The following LAMA2 variants were observed in gnomAD, a reference collection of about 807,000 sequenced individuals.
LAMA2 encodes laminin subunit alpha 2.
A neutral mutation model predicts 364.8 loss-of-function variants in LAMA2; 269 were observed. That is an observed-to-expected ratio of 0.74 (90% CI 0.67 to 0.82). The LOEUF is 0.82. Among genes scored for constraint, LAMA2 ranks in the 40% least tolerant of loss-of-function variants. The pLI, the probability that LAMA2 is intolerant of heterozygous loss-of-function variation, is 0.00. For synonymous variants in LAMA2, 1,379 were observed against 1,370.6 expected (o/e 1.01, Z -0.14); for missense variants, 3,807 against 3,873.2 (o/e 0.98, Z 0.45).
intron 2 of LAMA2, among the ~76,000 whole-genome samples, chr6:129,052,626 G>A (rs1171126285): frequency 6.6e-6 from 1 of 152,024 alleles, no homozygotes; most frequent in East Asian, 1.9e-4. Flanking sequence ...AACCTACATT[G>A]ACAACAGCAT....
intron 1 of LAMA2, among the ~76,000 whole-genome samples, chr6:129,042,764 G>A (rs1488091582): frequency 6.6e-6 from 1 of 152,014 alleles, no homozygotes; most frequent in Non-Finnish European, 1.5e-5. Flanking sequence ...GAATAATAGA[G>A]TATCCACTCT....
intron 12 of LAMA2, among the ~76,000 whole-genome samples, chr6:129,209,807 T>C (rs549568524): frequency 6.6e-6 from 1 of 151,882 alleles, no homozygotes; most frequent in East Asian, 1.9e-4. Context: ...ATCGAGACCA[T>C]CCTGGCTAAC....
chr6:129,065,713 T>C (rs2114806850), intron 3 of LAMA2, among the ~76,000 whole-genome samples: 1 of 152,280 alleles, frequency 6.6e-6, no homozygotes, highest in South Asian at 2.1e-4. Context: ...ATTGCTATGA[T>C]TTGGCTCTGT....
intron 1 of LAMA2, among the ~76,000 whole-genome samples, chr6:128,951,974 G>A (rs1463166017): frequency 6.6e-6 from 1 of 152,098 alleles, no homozygotes; most frequent in Non-Finnish European, 1.5e-5. Flanking sequence ...AGGCTAACCT[G>A]TGCAACATGG....
intron 17 of LAMA2, among the ~76,000 whole-genome samples, chr6:129,273,782 C>A (rs1788104313): frequency 6.6e-6 from 1 of 151,928 alleles, no homozygotes; most frequent in Admixed American, 6.6e-5. Context: ...TTACGTTGAT[C>A]CTGATTTTTA....
chr6:129,381,780 G>A (rs1778704624), intron 34 of LAMA2, among the ~76,000 whole-genome samples: 1 of 149,992 alleles, frequency 6.7e-6, no homozygotes, highest in South Asian at 2.1e-4. Context: ...TTGTGTATAT[G>A]TACTGCAAAT....
At chr6:129,208,616 GAAGAAAGA>G (rs140073793) in intron 12 of LAMA2, among the ~76,000 whole-genome samples, 1 of 139,632 alleles carries the variant, frequency 7.2e-6, no homozygotes, top group African/African-American at 2.9e-5. Flanking sequence ...AGAAAGAATG[GAAGAAAGA>G]AAGAAAGAAG....
chr6:129,318,988 A>T (rs1336827114), intron 27 of LAMA2, among the ~76,000 whole-genome samples: 1 of 152,198 alleles, frequency 6.6e-6, no homozygotes, highest in Non-Finnish European at 1.5e-5. Context: ...TTTAATGAAA[A>T]GGGTATTAAT....
chr6:129,465,111 T>C (rs1301336210), intron 50 of LAMA2, 34 bp from the exon 51 acceptor site: 1 of 1,570,222 alleles, frequency 6.4e-7, no homozygotes. Context: ...TCTCTGTGTA[T>C]CTAACCACTG....
chr6:129,383,152 A>T lies in LAMA2; in HGVS notation c.4990A>T (p.Thr1664Ser), dbSNP rs1440215375. The T allele has an allele frequency of 6.2e-7, 1 of 1,613,900 alleles. No individual in the cohort carries two copies. Among genetic ancestry groups the T allele is most frequent in the Non-Finnish European group, 8.5e-7 (1 of 1,179,914 alleles). Residue 1664 changes from threonine to serine, a missense_variant, in exon 35 of 65, where the codon ACC becomes TCC. Physicochemically the swap from Thr to Ser is moderately conservative, Grantham distance 58. Around this residue, in one of 3 missense-constraint regions of LAMA2, gnomAD observed 3,333 missense variants for 3,345.7 expected, o/e 1.00. Coordinates refer to ENST00000421865, the MANE Select transcript of LAMA2 (RefSeq NM_000426.4). ...CAAAGTGACAGCAGATGGCGAGCAG[A>T]CCGGACAGGATGCTGAGAGGACCAA... ...ATKVTADGEQ[T>S]GQDAERTNTR... is the part of the protein sequence containing the mutation.
intron 2 of LAMA2, among the ~76,000 whole-genome samples, chr6:129,051,816 C>T (rs1297880652): frequency 6.6e-6 from 1 of 151,564 alleles, no homozygotes. Flanking sequence ...GGGAAACCAC[C>T]ATTGGTTCAG....
At chr6:128,896,870 G>A (rs533099321) in intron 1 of LAMA2, among the ~76,000 whole-genome samples, 1 of 152,234 alleles carries the variant, frequency 6.6e-6, no homozygotes, top group South Asian at 2.1e-4. Flanking sequence ...GACAGTTTAG[G>A]ACTGTATTAA....
intron 1 of LAMA2, among the ~76,000 whole-genome samples, chr6:128,967,605 A>C (rs1438702689): frequency 6.6e-6 from 1 of 152,138 alleles, no homozygotes; most frequent in Non-Finnish European, 1.5e-5. Context: ...TTAAAAGTTA[A>C]CCCTGCTCAA....
intron 56 of LAMA2, among the ~76,000 whole-genome samples, chr6:129,489,886 A>G (rs1438361608): frequency 1.3e-5 from 2 of 151,834 alleles, no homozygotes; most frequent in African/African-American, 4.8e-5. Flanking sequence ...GGGTATAAGT[A>G]ATCAAGTAAT....
intron 43 of LAMA2, among the ~76,000 whole-genome samples, chr6:129,441,441 A>G (rs1238892509): frequency 6.6e-6 from 1 of 152,276 alleles, no homozygotes; most frequent in East Asian, 1.9e-4. Context: ...ATGCATTAAA[A>G]TTTGAAAATC....
chr6:129,022,490 G>T (rs1488227633), intron 1 of LAMA2, among the ~76,000 whole-genome samples: 1 of 152,070 alleles, frequency 6.6e-6, no homozygotes, highest in East Asian at 1.9e-4. Flanking sequence ...ATTCTCAGTT[G>T]CAAAATTTTC....
At chr6:129,392,167 G>T (rs536293958) in intron 36 of LAMA2, among the ~76,000 whole-genome samples, 1 of 152,146 alleles carries the variant, frequency 6.6e-6, no homozygotes, top group Non-Finnish European at 1.5e-5. Flanking sequence ...TAAGAGTTGC[G>T]AATATGAGGG....
intron 4 of LAMA2, among the ~76,000 whole-genome samples, chr6:129,136,384 C>G (rs1020283271): frequency 3.3e-5 from 5 of 151,968 alleles, no homozygotes; most frequent in Non-Finnish European, 7.4e-5. Flanking sequence ...TATTTTTGAT[C>G]ATTTTTAAAA....
chr6:128,929,928 C>T (rs530708886), intron 1 of LAMA2: 11 of 790,010 alleles, frequency 1.4e-5, no homozygotes, highest in Non-Finnish European at 1.7e-5. Context: ...AGCAGGAGCG[C>T]GGCCCACAGC....
Sources: allele counts gnomAD v4.1 joint callset (sites outside exome capture counted in the v4.1 genomes callset), GRCh38; gene constraint gnomAD v4.1.1; regional missense constraint gnomAD v4.1.1; transcripts MANE v1.5; gene names NCBI Gene and HGNC (gene_info 2026-07-23, HGNC 2026-07-21).